ETAA1: variants seen among roughly 807,000 people sequenced by gnomAD.
ETAA1 encodes the protein ETAA1 activator of ATR kinase.
Under a neutral mutation model 76.8 loss-of-function variants are expected in ETAA1, and 49 were observed. The ratio of observed to expected loss-of-function variants is 0.64; its 90% CI spans 0.51 to 0.81. The LOEUF is 0.81. Among genes scored for constraint, ETAA1 ranks in the 30% least tolerant of loss-of-function variants. The pLI is 0.00. For synonymous variants in ETAA1, 373 were observed against 372.2 expected (o/e 1.00, Z -0.03); for missense variants, 1,099 against 1,074.0 (o/e 1.02, Z -0.32).
intron 3 of ETAA1, 57 bp from the exon 4 acceptor site, chr2:67,402,805 A>G: frequency 9.1e-7 from 1 of 1,098,510 alleles, no homozygotes; most frequent in East Asian, 2.8e-5. Flanking sequence ...GTTTTTTTGG[A>G]AGACGGGGGA....
chr2:67,403,654 C>A lies in ETAA1; in HGVS notation c.972C>A (p.Ile324=). 2.5e-6 allele frequency: 4 copies of A among 1,613,296 alleles called. No homozygotes were observed. The highest frequency in any genetic ancestry group is 3.4e-6 in the Non-Finnish European group (4 of 1,179,432). Residue 324 remains isoleucine, a synonymous_variant, in exon 5 of 6, where the codon ATC becomes ATA. Coordinates refer to ENST00000272342, the MANE Select transcript of ETAA1 (RefSeq NM_019002.4). The stretch of plus-strand genomic sequence containing the variant: ...CAAATGCTTTGAAAGAGGAGAAAAT[C>A]ATTACTAATGAAACTCTGGTCATTG... ...VKTNALKEEK[I]ITNETLVIEK... is the part of the protein sequence containing the mutation.
Position 67,404,534 on chromosome 2 carries a change from G to A in ETAA1, c.1852G>A (p.Glu618Lys), listed in dbSNP as rs1368543937. The A allele has an allele frequency of 6.2e-7, 1 of 1,613,402 alleles. No homozygotes were observed. Among genetic ancestry groups the A allele is most frequent in the Non-Finnish European group, 8.5e-7 (1 of 1,179,578 alleles). The change falls in exon 5 of 6, where the codon GAA (glutamate) becomes AAA (lysine). Residue 618 changes from glutamate (E) to lysine (K), a missense_variant. Glu to Lys is a moderately conservative substitution (Grantham distance 56, BLOSUM62 1). Around this residue, in one of 3 missense-constraint regions of ETAA1, gnomAD observed 761 missense variants for 731.9 expected, o/e 1.04. Coordinates refer to ENST00000272342, the MANE Select transcript of ETAA1 (RefSeq NM_019002.4). The stretch of plus-strand genomic sequence containing the variant: ...GTTGTACCAAGCATGTGATGATATT[G>A]AAAGACTAACTCAGCAACAAGACAT... ...DLLYQACDDI[E>K]RLTQQQDIRK...
At chr2:67,403,058 T>C (rs1676099429) in intron 4 of ETAA1, 84 bp downstream of exon 4, 1 of 1,242,598 alleles carries the variant, frequency 8.0e-7, no homozygotes, top group South Asian at 1.7e-5. Context: ...TGTGAATATA[T>C]CAAAATTTTT....
In ETAA1 at chr2:67,405,277, A is replaced by G; in HGVS notation, c.2595A>G (p.Glu865=). Residue 865 remains glutamate (E), a synonymous_variant, in exon 5 of 6, where the codon GAA becomes GAG. Coordinates refer to ENST00000272342, the MANE Select transcript of ETAA1 (RefSeq NM_019002.4). ...AAGGTGTCAACCCATTACTGGAGGA[A>G]GCTGTTGGACAGCAATCTTTGGTGA... ...KKKGVNPLLE[E]AVGQQSLVKL... 6 of 1,594,694 alleles carry G rather than the reference A, an allele frequency of 3.8e-6. No individual in the cohort carries two copies. The highest frequency in any genetic ancestry group is 5.1e-6 in the Non-Finnish European group (6 of 1,172,030).
intron 1 of ETAA1, 122 bp downstream of exon 1, chr2:67,397,793 C>T (rs1464375643): frequency 2.6e-5 from 26 of 1,016,684 alleles, no homozygotes; most frequent in Non-Finnish European, 3.2e-5. Context: ...CTGGGATTCA[C>T]CCCTCGAGAG....
chr2:67,406,917 G>T (rs1246284966), intron 5 of ETAA1, among the ~76,000 whole-genome samples: 1 of 151,870 alleles, frequency 6.6e-6, no homozygotes, highest in East Asian at 1.9e-4. Flanking sequence ...TAATTTAACT[G>T]TTTCTCTGTG....
chr2:67,409,903 A>AT lies in ETAA1; in HGVS notation c.2654-3dup. The stretch of plus-strand genomic sequence containing the variant: ...AAAAGTAAAACTCATCTTTTGTTGA[A>AT]TTTTTAGAGGAAGAAGAGAAAAATA... On this transcript the variant is annotated splice_polypyrimidine_tract_variant and splice_region_variant and intron_variant, in intron 5 of 5. Transcript: ENST00000272342. 3.2e-6 allele frequency: 5 copies of AT among 1,583,812 alleles called. No homozygotes were observed. In the South Asian group the frequency reaches 3.5e-5, roughly 11 times the overall value.
chr2:67,397,845 C>T (rs1217839562), intron 1 of ETAA1, among the ~76,000 whole-genome samples, 174 bp downstream of exon 1: 3 of 152,132 alleles, frequency 2.0e-5, no homozygotes, highest in Admixed American at 6.5e-5. Context: ...GGCTTTTGTC[C>T]CCGAACTTCA....
In ETAA1 at chr2:67,397,412, G is replaced by A; in HGVS notation, c.-37G>A. On this transcript the variant is annotated 5_prime_UTR_variant, in exon 1 of 6. An upstream open reading frame in the 5' UTR loses its in-frame stop. Coordinates refer to ENST00000272342, the MANE Select transcript of ETAA1 (RefSeq NM_019002.4). ...CCCTACTCATCCCTTTGCAAAATGT[G>A]AAAGAAGAAGCGGCTGGTGGAGGCG... The A allele has an allele frequency of 6.4e-7, 1 of 1,557,056 alleles. No individual in the cohort carries two copies. The highest frequency in any genetic ancestry group is 8.7e-7 in the Non-Finnish European group (1 of 1,148,646).
Position 67,404,771 on chromosome 2 carries a change from C to A in ETAA1, c.2089C>A (p.Pro697Thr). ...TTTGGTACAATCAAAGCATTTGAAT[C>A]CAGGCAGCATTTCAGTGCAGACATC... The part of the protein sequence containing the change: ...SNLVQSKHLN[P>T]GSISVQTSLT... Residue 697 changes from proline to threonine, a missense_variant, in exon 5 of 6, where the codon CCA (proline) becomes ACA (threonine). Around this residue, in one of 3 missense-constraint regions of ETAA1, gnomAD observed 302 missense variants for 278.1 expected, o/e 1.09. Coordinates refer to ENST00000272342, the MANE Select transcript of ETAA1 (RefSeq NM_019002.4). 6.2e-7 allele frequency: 1 copy of A among 1,613,376 alleles called. No homozygotes were observed. The highest frequency in any genetic ancestry group is 2.2e-5 in the East Asian group (1 of 44,810).
chr2:67,398,401 T>C (rs976813146), intron 1 of ETAA1, among the ~76,000 whole-genome samples: 7 of 146,164 alleles, frequency 4.8e-5, no homozygotes, highest in African/African-American at 1.7e-4. Context: ...AGTAGCACAA[T>C]CTCGGCTCAC....
At position 67,397,633 on chromosome 2, in the gene ETAA1, C is replaced by T. The variant is rs769954262; in HGVS notation, c.185C>T (p.Pro62Leu). 6.5e-7 allele frequency: 1 copy of T among 1,547,518 alleles called. No individual in the cohort carries two copies. Among genetic ancestry groups the T allele is most frequent in the Non-Finnish European group, 8.7e-7 (1 of 1,146,714 alleles). Residue 62 changes from proline to leucine, a missense_variant, in exon 1 of 6, where the codon CCT (proline) becomes CTT (leucine). This residue lies in a region of ETAA1 where 761 missense variants were observed against 731.9 expected (regional missense o/e 1.04). Coordinates refer to ENST00000272342, the MANE Select transcript of ETAA1 (RefSeq NM_019002.4). ...PPGPVRQREQ[P>L]PTAALCSKSN... ...GGGCCAGTGCGGCAGCGAGAGCAGC[C>T]TCCGACCGCCGCCCTGTGCAGTAAA...
intron 1 of ETAA1, among the ~76,000 whole-genome samples, 174 bp from the exon 2 acceptor site, chr2:67,398,995 G>A (rs550990541): frequency 6.6e-5 from 10 of 152,238 alleles, no homozygotes; most frequent in Middle Eastern, 3.4e-3. Context: ...GCGAAGTGCC[G>A]CGTGGATTTT....
intron 3 of ETAA1, chr2:67,401,541 C>T (rs1676056831): frequency 6.6e-6 from 1 of 151,590 alleles, no homozygotes; most frequent in Non-Finnish European, 1.5e-5. Flanking sequence ...TATACAGCAC[C>T]TGGATTATGG....
At chr2:67,407,703 T>A (rs1453515462) in intron 5 of ETAA1, among the ~76,000 whole-genome samples, 2 of 152,178 alleles carry the variant, frequency 1.3e-5, no homozygotes, top group Middle Eastern at 3.2e-3. Flanking sequence ...TATTATATAC[T>A]GTATTCTTAC....
At position 67,397,593 on chromosome 2, in the gene ETAA1, A is replaced by G. The variant is rs550653940; in HGVS notation, c.145A>G (p.Arg49Gly). 180 of 1,553,702 alleles carry G rather than the reference A, an allele frequency of 1.2e-4. No homozygotes were observed. Among genetic ancestry groups the G allele is most frequent in the Non-Finnish European group, 1.5e-4 (172 of 1,149,394 alleles). The stretch of plus-strand genomic sequence containing the variant: ...CCGCGGTTCGTGGCCCTGCGGGGCT[A>G]GAGAGGGGCCTCCCGGGCCAGTGCG... ...SARGSWPCGAREGPPGPVRQR... is the reference protein window; with the variant it reads ...SARGSWPCGAGEGPPGPVRQR... Residue 49 changes from arginine (R) to glycine (G), a missense_variant, in exon 1 of 6, where the codon AGA becomes GGA. Arg to Gly is a moderately radical substitution (Grantham distance 125). Around this residue, in one of 3 missense-constraint regions of ETAA1, gnomAD observed 761 missense variants for 731.9 expected, o/e 1.04. Transcript: ENST00000272342.
chr2:67,403,582 A>G lies in ETAA1; in HGVS notation c.900A>G (p.Glu300=), dbSNP rs1676116862. The G allele has an allele frequency of 6.2e-7, 1 of 1,613,246 alleles. No homozygotes were observed. Among genetic ancestry groups the G allele is most frequent in the African/African-American group, 1.3e-5 (1 of 74,902 alleles). The stretch of plus-strand genomic sequence containing the variant: ...AATGTAGCGGACAGTTAAGCCAAGA[A>G]CTGCCAGAGGCTTTTTGGAGCACCA... The part of the protein sequence containing the change: ...TQKCSGQLSQ[E]LPEAFWSTSN... Residue 300 remains glutamate (E), a synonymous_variant, in exon 5 of 6, where the codon GAA becomes GAG. Coordinates refer to ENST00000272342, the MANE Select transcript of ETAA1 (RefSeq NM_019002.4).
chr2:67,399,427 G>A (rs1675991818), intron 2 of ETAA1, 123 bp from the exon 3 acceptor site: 3 of 1,139,928 alleles, frequency 2.6e-6, no homozygotes, highest in East Asian at 5.1e-5. Flanking sequence ...GTATAAGTAT[G>A]TGATGTAAAC....
chr2:67,397,705 C>G, intron 1 of ETAA1, 34 bp downstream of exon 1: 1 of 1,534,836 alleles, frequency 6.5e-7, no homozygotes, highest in South Asian at 1.2e-5. Context: ...GCCTTGGCTT[C>G]GGCGCCGCAT....
Sources: gnomAD v4.1 joint callset for allele counts (sites outside exome capture counted in the v4.1 genomes callset) on GRCh38, gnomAD v4.1.1 for gene constraint, gnomAD v4.1.1 regional missense constraint, MANE v1.5 for transcripts, NCBI Gene and HGNC (gene_info 2026-07-23, HGNC 2026-07-21) for gene names.